Variants in CFAP68 observed in about 807,000 individuals in gnomAD.
CFAP68 encodes the protein cilia and flagella associated protein 68.
At chr11:111,883,210 GAC>G in the CFAP68 span, 2 of 1,559,880 alleles carry the variant, frequency 1.3e-6, no homozygotes, top group Non-Finnish European at 1.7e-6. Context: ...ATAGTACGTG[GAC>G]TGTTTTTTCA....
the CFAP68 span, chr11:111,885,722 T>A: frequency 6.6e-6 from 1 of 152,222 alleles, no homozygotes; most frequent in African/African-American, 2.4e-5. Flanking sequence ...TGGGCATTAC[T>A]GAGAGATACT....
the CFAP68 span, chr11:111,884,088 T>A: frequency 2.3e-6 from 1 of 429,306 alleles, no homozygotes; most frequent in Non-Finnish European, 4.1e-6. Context: ...TCTTTATCCC[T>A]TTTTTTGTTG....
chr11:111,882,303 G>A, the CFAP68 span: 1 of 1,408,748 alleles, frequency 7.1e-7, no homozygotes. Flanking sequence ...AACAAGGGCA[G>A]GAAAAGATGC....
At chr11:111,884,700 G>C in the CFAP68 span, 2 of 151,990 alleles carry the variant, frequency 1.3e-5, no homozygotes, top group African/African-American at 4.8e-5. Flanking sequence ...AAATTATTAT[G>C]GAGAATTTTA....
chr11:111,883,880 A>G, the CFAP68 span: 1 of 1,572,774 alleles, frequency 6.4e-7, no homozygotes, highest in Non-Finnish European at 8.7e-7. Context: ...CAAAGCCTTA[A>G]ATTGGGCATC....
At chr11:111,883,667 A>G in the CFAP68 span, 2 of 778,064 alleles carry the variant, frequency 2.6e-6, no homozygotes, top group South Asian at 3.0e-5. Context: ...TTTTAACAGG[A>G]CTTACTGTCT....
the CFAP68 span, chr11:111,885,181 A>G: frequency 6.6e-6 from 1 of 151,928 alleles, no homozygotes. Context: ...AAAAGAAAAA[A>G]AAAATCTTGG....
At chr11:111,883,993 C>T in the CFAP68 span, 1 of 755,368 alleles carries the variant, frequency 1.3e-6, no homozygotes, top group Non-Finnish European at 2.1e-6. Flanking sequence ...TAGGAGGGAG[C>T]ACATTCTAAG....
the CFAP68 span, chr11:111,882,384 G>T: frequency 6.2e-7 from 1 of 1,613,968 alleles, no homozygotes; most frequent in South Asian, 1.1e-5. Context: ...AACCTCGCCT[G>T]TTTCCTCACA....
At chr11:111,879,688 C>G in the CFAP68 span, 5 of 1,454,818 alleles carry the variant, frequency 3.4e-6, no homozygotes, top group South Asian at 1.1e-5. Context: ...AGGGTGGTTA[C>G]GATATGTGGA....
At chr11:111,879,626 C>G in the CFAP68 span, 1 of 1,608,528 alleles carries the variant, frequency 6.2e-7, no homozygotes, top group Non-Finnish European at 8.5e-7. Context: ...CTCCTATCTT[C>G]TATTCGTTCA....
At chr11:111,883,167 C>T in the CFAP68 span, 1 of 1,579,714 alleles carries the variant, frequency 6.3e-7, no homozygotes, top group Non-Finnish European at 8.6e-7. Context: ...ACATATGATA[C>T]AAGCTACAAC....
the CFAP68 span, chr11:111,884,509 G>A: frequency 1.9e-4 from 29 of 149,472 alleles, no homozygotes; most frequent in African/African-American, 6.6e-4. Flanking sequence ...TTTCTCTGAA[G>A]TCTACAACCA....
At chr11:111,885,901 T>A in the CFAP68 span, 1 of 152,110 alleles carries the variant, frequency 6.6e-6, no homozygotes, top group Non-Finnish European at 1.5e-5. Context: ...GTCCCACCAT[T>A]AGTTATTGAA....
the CFAP68 span, chr11:111,879,550 C>T: frequency 6.2e-7 from 1 of 1,614,098 alleles, no homozygotes; most frequent in South Asian, 1.1e-5. Flanking sequence ...CCTTTTTTCA[C>T]CTCGTCTGAA....
the CFAP68 span, chr11:111,881,276 GC>G: frequency 6.0e-5 from 85 of 1,416,924 alleles, no homozygotes; most frequent in Non-Finnish European, 7.7e-5. Context: ...TGTGGCACCA[GC>G]TACTCTGGTC....
the CFAP68 span, among the ~76,000 whole-genome samples, chr11:111,882,146 G>T: frequency 6.6e-6 from 1 of 152,078 alleles, no homozygotes; most frequent in Admixed American, 6.6e-5. Flanking sequence ...TGGGGAGCGG[G>T]GGTGTGGATT....
chr11:111,885,800 GTTACT>G, the CFAP68 span: 32 of 151,840 alleles, frequency 2.1e-4, no homozygotes, highest in Non-Finnish European at 4.1e-4. Flanking sequence ...TCAAACCTTT[GTTACT>G]TTAGTTTCGA....
At chr11:111,883,322 G>C in the CFAP68 span, 2 of 831,182 alleles carry the variant, frequency 2.4e-6, no homozygotes, top group Admixed American at 2.4e-5. Flanking sequence ...GGGCGCAGTG[G>C]CTCACACCTG....
Sources: allele counts gnomAD v4.1 joint callset (sites outside exome capture counted in the v4.1 genomes callset), GRCh38; gene constraint gnomAD v4.1.1; transcripts MANE v1.5; gene names NCBI Gene and HGNC (gene_info 2026-07-23, HGNC 2026-07-21).